SLC9B1: variants seen among roughly 807,000 people sequenced by gnomAD.
SLC9B1 encodes sodium/hydrogen exchanger 9B1.
A neutral mutation model predicts 51.7 loss-of-function variants in SLC9B1; 32 were observed. The ratio of observed to expected loss-of-function variants is 0.62; its 90% confidence interval spans 0.47 to 0.83. The LOEUF (loss-of-function observed/expected upper bound fraction) is 0.83, where lower values mean the gene tolerates loss of function less well. SLC9B1 is among the 40% of genes least tolerant of loss of function. The probability of loss-of-function intolerance (pLI) is 0.00; values close to 1 mark genes in which losing one functional copy is unlikely to be tolerated. For synonymous variants in SLC9B1, 145 were observed against 212.7 expected (o/e 0.68, Z 2.77); for missense variants, 406 against 613.2 (o/e 0.66, Z 3.57).
chr4:102,988,306 A>G (rs1739766366), intron 3 of SLC9B1, among the ~76,000 whole-genome samples: 1 of 152,160 alleles, frequency 6.6e-6, no homozygotes, highest in Non-Finnish European at 1.5e-5. Context: ...TGAGGTATGC[A>G]AACAGTATGA....
At position 102,955,885 on chromosome 4, in the gene SLC9B1, GAA is replaced by G. The variant is rs1390215133; in HGVS notation, c.212-6460_212-6459del. Among the ~76,000 whole-genome samples the G allele has an allele frequency of 7.2e-4, 103 of 143,912 alleles. 1 individual carries two copies. Among genetic ancestry groups the G allele is most frequent in the East Asian group, 3.8e-3 (19 of 4,992 alleles). 94.4% of individuals were successfully genotyped at this position (143,912 alleles called of 152,430 possible). A position where few individuals can be genotyped will look rare whatever the true frequency, so the allele number is the denominator to read the frequency against. On this transcript the variant is annotated intron_variant, in intron 3 of 11. Transcript: ENST00000296422. ...AGAAAGAAAGAAAGAAAGAAAGAAAGAAAGAAAGAAAGAAAGAGAGAGAAAGA... is the reference window on the plus strand; with the variant it reads ...AGAAAGAAAGAAAGAAAGAAAGAAAGAGAAAGAAAGAAAGAGAGAGAAAGA...
chr4:102,964,828 C>T (rs1738336848), intron 3 of SLC9B1, among the ~76,000 whole-genome samples: 1 of 152,064 alleles, frequency 6.6e-6, no homozygotes, highest in African/African-American at 2.4e-5. Context: ...AAGCCTACAG[C>T]CAACATACTT....
chr4:102,897,942 C>T, downstream of SLC9B1: 4 of 371,370 alleles, frequency 1.1e-5, no homozygotes, highest in Non-Finnish European at 2.1e-5. Flanking sequence ...GTGCAGCAGC[C>T]TGCTGTTCAT....
intron 1 of SLC9B1, among the ~76,000 whole-genome samples, chr4:103,016,298 C>T (rs1383407546): frequency 6.6e-6 from 1 of 152,056 alleles, no homozygotes; most frequent in Non-Finnish European, 1.5e-5. Flanking sequence ...CCACCCCCCT[C>T]TATTGGATTA....
intron 3 of SLC9B1, among the ~76,000 whole-genome samples, chr4:102,975,723 G>A (rs2110504470): frequency 6.7e-6 from 1 of 149,600 alleles, no homozygotes; most frequent in East Asian, 2.0e-4. Context: ...TGCATGCCAT[G>A]ATGTCTGGCT....
exon 12 of SLC9B1, chr4:102,885,270 A>G (rs746277672): frequency 2.5e-6 from 4 of 1,614,142 alleles, no homozygotes. Flanking sequence ...CTTCTTGGCT[A>G]CCTTGCAGTT....
At chr4:103,008,619 G>C (rs2110538513) in intron 1 of SLC9B1, among the ~76,000 whole-genome samples, 1 of 152,048 alleles carries the variant, frequency 6.6e-6, no homozygotes, top group South Asian at 2.1e-4. Flanking sequence ...CTGATCTCAA[G>C]TGGTCCGCCA....
rs530517323 is a variant in SLC9B1 at position 103,009,059 on chromosome 4, A to G, written c.-2+10540T>C. On this transcript the variant is annotated intron_variant, in intron 1 of 11. Coordinates refer to ENST00000296422, the MANE Select transcript of SLC9B1 (RefSeq NM_139173.4). ...GTGATCCGCCCACCTTGGCCTCCCA[A>G]AGTACTGGGATTACAGGTGTGAGCC... is the stretch of plus-strand genomic sequence containing the variant. Among the ~76,000 whole-genome samples the G allele has an allele frequency of 4.2e-4, 64 of 152,246 alleles. No homozygotes were observed. The Middle Eastern group carries it at 0.02, about 49-fold the overall frequency.
chr4:103,019,688 G>A lies in SLC9B1; in HGVS notation c.-91C>T. On this transcript the variant is annotated 5_prime_UTR_variant, in exon 1 of 12. Coordinates refer to ENST00000296422, the MANE Select transcript of SLC9B1 (RefSeq NM_139173.4). ...AAGCCACGCGCCACCCAGGTGGGCAGGGTGGTGACGCGAAAGCCCGGATAG... is the reference window on the plus strand; with the variant it reads ...AAGCCACGCGCCACCCAGGTGGGCAAGGTGGTGACGCGAAAGCCCGGATAG... 1.0e-6 allele frequency: 1 copy of A among 985,546 alleles called. No individual in the cohort carries two copies. The highest frequency in any genetic ancestry group is 1.2e-6 in the Non-Finnish European group (1 of 829,982). The allele number at this position is 985,546 out of a possible 1,614,324, so 61.1% of individuals were successfully genotyped here.
chr4:102,885,193 T>C (rs1733843589), exon 12 of SLC9B1: 5 of 1,591,038 alleles, frequency 3.1e-6, no homozygotes, highest in Non-Finnish European at 4.3e-6. Context: ...GCACTGCAGA[T>C]TCTGACACAT....
intron 1 of SLC9B1, among the ~76,000 whole-genome samples, chr4:103,003,127 T>C (rs1740609909): frequency 6.6e-6 from 1 of 152,228 alleles, no homozygotes; most frequent in Admixed American, 6.5e-5. Context: ...TTGACCCCCA[T>C]ATTTGTAATC....
intron 3 of SLC9B1, among the ~76,000 whole-genome samples, chr4:102,974,661 T>C (rs1738960519): frequency 6.6e-6 from 1 of 152,176 alleles, no homozygotes; most frequent in South Asian, 2.1e-4. Context: ...AATCAGTAAA[T>C]ACTTTCTCAG....
At chr4:102,986,461 A>G (rs1739631210) in intron 3 of SLC9B1, among the ~76,000 whole-genome samples, 1 of 151,984 alleles carries the variant, frequency 6.6e-6, no homozygotes, top group South Asian at 2.1e-4. Flanking sequence ...CTGTTTGGAC[A>G]TTTACCCTGT....
chr4:102,955,730 T>C (rs1231623518), intron 3 of SLC9B1, among the ~76,000 whole-genome samples: 1 of 151,760 alleles, frequency 6.6e-6, no homozygotes, highest in Non-Finnish European at 1.5e-5. Flanking sequence ...CATGTATACC[T>C]GTGTAACAAA....
intron 3 of SLC9B1, among the ~76,000 whole-genome samples, chr4:102,982,394 T>C (rs1739407465): frequency 6.6e-6 from 1 of 152,144 alleles, no homozygotes; most frequent in African/African-American, 2.4e-5. Context: ...CTGGGTCTTT[T>C]GCCTGCCCAA....
At chr4:103,019,507 T>G in intron 1 of SLC9B1, 92 bp downstream of exon 1, 1 of 887,148 alleles carries the variant, frequency 1.1e-6, no homozygotes, top group Admixed American at 6.2e-5. Context: ...GGAAAGGCCC[T>G]CCTGCGGCCT....
rs759012317 is a variant in SLC9B1 at position 102,910,477 on chromosome 4, A to T, written c.1048T>A (p.Leu350Met). The T allele has an allele frequency of 1.9e-6, 3 of 1,562,578 alleles. No individual in the cohort carries two copies. Among genetic ancestry groups the T allele is most frequent in the Non-Finnish European group, 2.6e-6 (3 of 1,160,686 alleles). Residue 350 changes from leucine (L) to methionine (M), a missense_variant, in exon 9 of 12, where the codon TTG (leucine) becomes ATG (methionine). Transcript: ENST00000296422. ...HGSGGLCTLV[L>M]SFIAGTKWSQ... ...CATTTTGTCCCTGCAATGAAACTCA[A>T]CACTAGTGTGCATAATCCTCCAGAT... is the stretch of plus-strand genomic sequence containing the variant.
At chr4:102,921,015 A>G (rs548557904) in intron 7 of SLC9B1, among the ~76,000 whole-genome samples, 6 of 152,246 alleles carry the variant, frequency 3.9e-5, no homozygotes, top group Non-Finnish European at 1.5e-5. Context: ...GAACTTCCCC[A>G]ACCTAGCAAG....
intron 3 of SLC9B1, among the ~76,000 whole-genome samples, chr4:102,980,919 T>C (rs1209820851): frequency 2.0e-5 from 3 of 152,168 alleles, no homozygotes; most frequent in Non-Finnish European, 2.9e-5. Context: ...TTTTAACAAA[T>C]GTATAATGAC....
Sources: allele counts gnomAD v4.1 joint callset (sites outside exome capture counted in the v4.1 genomes callset), GRCh38; gene constraint gnomAD v4.1.1; transcripts MANE v1.5; gene names NCBI Gene and HGNC (gene_info 2026-07-23, HGNC 2026-07-21).